The following LINGO2 variants were observed in gnomAD, a reference collection of about 807,000 sequenced individuals.
LINGO2 encodes the protein leucine rich repeat and Ig domain containing 2.
Under a neutral mutation model 30.6 loss-of-function variants are expected in LINGO2, and 14 were observed. The ratio of observed to expected loss-of-function variants is 0.46; its 90% CI spans 0.30 to 0.72. The LOEUF (loss-of-function observed/expected upper bound fraction) is 0.72, where lower values mean the gene tolerates loss of function less well. Among genes scored for constraint, LINGO2 ranks in the 30% least tolerant of loss-of-function variants. The pLI, the probability that LINGO2 is intolerant of heterozygous loss-of-function variation, is 0.07. For synonymous variants in LINGO2, 317 were observed against 288.5 expected (o/e 1.10, Z -1.00); for missense variants, 729 against 751.7 (o/e 0.97, Z 0.35).
At chr9:28,971,595 G>T in the LINGO2 span, among the ~76,000 whole-genome samples, 2 of 152,208 alleles carry the variant, frequency 1.3e-5, no homozygotes, top group Admixed American at 6.5e-5. Flanking sequence ...ACTGCATCTT[G>T]TGGTTTGAAT....
Position 28,147,520 on chromosome 9 carries a change from C to T in LINGO2, c.-86-135115G>A, listed in dbSNP as rs140202043. ...AGGCAGCACAGAGGCACTGGAGAGG[C>T]CCCGGGGGAGCCTGGCGGGATCTGG... On this transcript the variant is annotated intron_variant, in intron 4 of 5. Transcript: ENST00000379992. This position sits in a 1 kb window ranked among gnomAD's most constrained non-coding sequence, Gnocchi z 4.7. Among the ~76,000 whole-genome samples, 11,456 of 152,216 alleles carry T rather than the reference C, an allele frequency of 0.075. 595 individuals carry two copies. Among genetic ancestry groups the T allele is most frequent in the Middle Eastern group, 0.14 (40 of 294 alleles).
At chr9:28,915,715 CTAAA>C in the LINGO2 span, among the ~76,000 whole-genome samples, 4 of 152,234 alleles carry the variant, frequency 2.6e-5, no homozygotes, top group Admixed American at 2.6e-4. Flanking sequence ...CAAATGTTCA[CTAAA>C]TAAATTCTAA....
At chr9:28,014,030 C>CCT (rs1321597975) in intron 4 of LINGO2, among the ~76,000 whole-genome samples, 2 of 152,140 alleles carry the variant, frequency 1.3e-5, no homozygotes, top group African/African-American at 4.8e-5. Flanking sequence ...GGCCCTGATA[C>CCT]CTCTCAAGCC....
At chr9:29,144,698 C>A in the LINGO2 span, among the ~76,000 whole-genome samples, 1 of 152,142 alleles carries the variant, frequency 6.6e-6, no homozygotes, top group African/African-American at 2.4e-5. Flanking sequence ...AGTCCTACCA[C>A]AGCACAGCTG....
At chr9:28,610,558 C>T (rs1825872390) in intron 1 of LINGO2, among the ~76,000 whole-genome samples, 1 of 152,172 alleles carries the variant, frequency 6.6e-6, no homozygotes, top group Admixed American at 6.5e-5. Context: ...TTCTGCCCCT[C>T]TGTTCCTTCC....
chr9:28,038,537 C>CA (rs1050547405), intron 4 of LINGO2, among the ~76,000 whole-genome samples: 6 of 151,886 alleles, frequency 4.0e-5, no homozygotes, highest in Non-Finnish European at 5.9e-5. Context: ...ACTAAAAATA[C>CA]AAAAAATTAG....
the LINGO2 span, among the ~76,000 whole-genome samples, chr9:28,770,531 A>G: frequency 5.9e-5 from 9 of 152,312 alleles, no homozygotes; most frequent in Admixed American, 4.6e-4. Context: ...GAAAGATCCA[A>G]TAGTATGCTT....
chr9:28,354,329 C>A (rs1929820), intron 3 of LINGO2, among the ~76,000 whole-genome samples: 1 of 151,808 alleles, frequency 6.6e-6, no homozygotes. Flanking sequence ...GGTAATTATG[C>A]AAATTCATGT....
chr9:28,518,356 C>T (rs192724763), intron 1 of LINGO2, among the ~76,000 whole-genome samples: 1 of 152,184 alleles, frequency 6.6e-6, no homozygotes, highest in East Asian at 1.9e-4. Context: ...TAGGTTAGTA[C>T]TATGTTCTAA....
intron 4 of LINGO2, among the ~76,000 whole-genome samples, chr9:28,271,049 C>G: frequency 6.6e-6 from 1 of 151,892 alleles, no homozygotes; most frequent in East Asian, 1.9e-4. Flanking sequence ...TTCCTATCAT[C>G]AGTTATTAAG....
At chr9:29,101,539 C>T in the LINGO2 span, among the ~76,000 whole-genome samples, 1 of 152,090 alleles carries the variant, frequency 6.6e-6, no homozygotes. Flanking sequence ...GGCTTCCCCT[C>T]CCCCGTGTAG....
intron 3 of LINGO2, among the ~76,000 whole-genome samples, chr9:28,298,757 G>A (rs773727791): frequency 1.9e-4 from 28 of 151,142 alleles, no homozygotes; most frequent in Admixed American, 2.6e-4. Context: ...TGACTTAAAT[G>A]TTCTAAAATG....
At chr9:29,175,023 G>A in the LINGO2 span, among the ~76,000 whole-genome samples, 40 of 152,126 alleles carry the variant, frequency 2.6e-4, no homozygotes, top group Non-Finnish European at 5.0e-4. Context: ...CATTTTGGGA[G>A]GCCGATGTGA....
the LINGO2 span, among the ~76,000 whole-genome samples, chr9:29,197,518 A>G: frequency 2.8e-4 from 43 of 152,064 alleles, no homozygotes; most frequent in African/African-American, 1.0e-3. Context: ...TCAAAGTTAT[A>G]ATGGCATTTA....
At chr9:28,349,091 C>T (rs1819732910) in intron 3 of LINGO2, among the ~76,000 whole-genome samples, 1 of 152,102 alleles carries the variant, frequency 6.6e-6, no homozygotes, top group Non-Finnish European at 1.5e-5. Flanking sequence ...AAGCAGAGCG[C>T]CTCTCCTCCT....
the LINGO2 span, among the ~76,000 whole-genome samples, chr9:28,700,525 C>T: frequency 1.7e-4 from 26 of 152,008 alleles, no homozygotes; most frequent in African/African-American, 6.0e-4. Context: ...TTTAATTATC[C>T]ATCCATACAC....
the LINGO2 span, among the ~76,000 whole-genome samples, chr9:29,091,419 A>G: frequency 2.0e-5 from 3 of 151,584 alleles, no homozygotes; most frequent in African/African-American, 7.3e-5. Flanking sequence ...TTTTTTTGCT[A>G]TTTTTGCTAA....
At chr9:28,512,054 C>A (rs1346483267) in intron 1 of LINGO2, among the ~76,000 whole-genome samples, 1 of 141,760 alleles carries the variant, frequency 7.1e-6, no homozygotes, top group Non-Finnish European at 1.5e-5. Flanking sequence ...GGCGTGGAGG[C>A]CATGGGCATT....
intron 1 of LINGO2, among the ~76,000 whole-genome samples, chr9:28,522,407 C>T (rs983166222): frequency 3.3e-5 from 5 of 151,960 alleles, no homozygotes; most frequent in East Asian, 1.9e-4. Flanking sequence ...AATAAATCTG[C>T]GAGGGGAGTA....
Sources: allele counts gnomAD v4.1 joint callset (sites outside exome capture counted in the v4.1 genomes callset), GRCh38; gene constraint gnomAD v4.1.1; non-coding constraint Gnocchi (gnomAD v3.1); transcripts MANE v1.5; gene names NCBI Gene and HGNC (gene_info 2026-07-23, HGNC 2026-07-21).